The following SLC25A12 variants were observed in gnomAD, a reference collection of about 807,000 sequenced individuals.
SLC25A12 encodes electrogenic aspartate/glutamate antiporter SLC25A12, mitochondrial.
SLC25A12 carries 32 observed loss-of-function variants against 83.3 expected under a neutral mutation model. The observed-to-expected ratio is 0.38, with a 90% CI of 0.29 to 0.52. The LOEUF is 0.52. Ranked by LOEUF, SLC25A12 falls within the 20% of genes least tolerant of loss-of-function variation. The pLI is 0.84. For missense variants in SLC25A12, 611 were observed against 835.6 expected (o/e 0.73, Z 3.31); for synonymous variants, 267 against 291.1 (o/e 0.92, Z 0.84).
chr2:171,838,873 G>T (rs529445568), intron 5 of SLC25A12, among the ~76,000 whole-genome samples: 2 of 152,200 alleles, frequency 1.3e-5, no homozygotes, highest in East Asian at 3.9e-4. Context: ...ATTGAAGCTG[G>T]TTATAGGTCC....
At chr2:171,810,761 T>G (rs955500247) in intron 11 of SLC25A12, among the ~76,000 whole-genome samples, 2 of 152,210 alleles carry the variant, frequency 1.3e-5, no homozygotes, top group Non-Finnish European at 2.9e-5. Flanking sequence ...GAATACTAAC[T>G]CCCATAATCT....
intron 3 of SLC25A12, among the ~76,000 whole-genome samples, chr2:171,866,441 G>A (rs1360894917): frequency 1.4e-4 from 20 of 143,330 alleles, no homozygotes; most frequent in Admixed American, 2.1e-4. Flanking sequence ...TCCCGGACGG[G>A]GCGGCTGGCC....
chr2:171,822,789 C>G (rs1378930910), intron 9 of SLC25A12, among the ~76,000 whole-genome samples: 1 of 152,166 alleles, frequency 6.6e-6, no homozygotes, highest in African/African-American at 2.4e-5. Flanking sequence ...TAGTTCTGGA[C>G]TCACAGATTC....
At chr2:171,790,646 C>T (rs781286453) in intron 15 of SLC25A12, among the ~76,000 whole-genome samples, 1 of 152,182 alleles carries the variant, frequency 6.6e-6, no homozygotes, top group Admixed American at 6.5e-5. Flanking sequence ...AAACTCTTGC[C>T]CTCAAGAAGC....
intron 11 of SLC25A12, among the ~76,000 whole-genome samples, chr2:171,812,957 A>C (rs1683978852): frequency 6.6e-6 from 1 of 152,162 alleles, no homozygotes; most frequent in Non-Finnish European, 1.5e-5. Context: ...TTTTCACAGG[A>C]AAGAGATGTA....
intron 13 of SLC25A12, among the ~76,000 whole-genome samples, chr2:171,806,619 C>T (rs1225032336): frequency 6.6e-6 from 1 of 152,102 alleles, no homozygotes; most frequent in Non-Finnish European, 1.5e-5. Flanking sequence ...ATTTCCATGG[C>T]AATAAAATTT....
chr2:171,785,688 G>A (rs1456463010), intron 17 of SLC25A12, among the ~76,000 whole-genome samples: 1 of 152,110 alleles, frequency 6.6e-6, no homozygotes, highest in Non-Finnish European at 1.5e-5. Context: ...CAAGAGAAAT[G>A]GCCTTATTTC....
In SLC25A12 at chr2:171,785,322, A is replaced by C. The variant is rs1210494995; in HGVS notation, c.1989T>G (p.Pro663=). The change falls in exon 18 of 18, where the codon CCT becomes CCG. Residue 663 remains proline, a synonymous_variant. Coordinates refer to ENST00000422440, the MANE Select transcript of SLC25A12 (RefSeq NM_003705.5). The stretch of plus-strand genomic sequence containing the variant: ...CCTTTGGCTGAACCACAGCAACACT[A>C]GGAGACTTAAATTTCGGGAGATAAA... ...FGLYLPKFKS[P]SVAVVQPKAA... The C allele has an allele frequency of 6.2e-7, 1 of 1,614,198 alleles. No homozygotes were observed. The highest frequency in any genetic ancestry group is 8.5e-7 in the Non-Finnish European group (1 of 1,180,024).
chr2:171,846,922 T>G (rs547866832), intron 4 of SLC25A12, among the ~76,000 whole-genome samples: 2 of 152,348 alleles, frequency 1.3e-5, no homozygotes, highest in South Asian at 4.1e-4. Context: ...TTTCATAAAC[T>G]TCTTAGCCAT....
intron 5 of SLC25A12, among the ~76,000 whole-genome samples, chr2:171,843,737 A>T (rs1684731354): frequency 6.6e-6 from 1 of 151,350 alleles, no homozygotes. Flanking sequence ...ATTGGGGGAA[A>T]GGGGACAGAA....
intron 4 of SLC25A12, among the ~76,000 whole-genome samples, chr2:171,850,062 C>T (rs1302059020): frequency 6.6e-6 from 1 of 151,572 alleles, no homozygotes; most frequent in African/African-American, 2.4e-5. Flanking sequence ...CCTCGGCCTC[C>T]CAAAGTACTG....
intron 4 of SLC25A12, among the ~76,000 whole-genome samples, chr2:171,851,481 G>A (rs1490229235): frequency 2.2e-5 from 3 of 134,692 alleles, no homozygotes; most frequent in Admixed American, 7.8e-5. Flanking sequence ...GAGCCACTGC[G>A]CCTGGCCCCT....
intron 2 of SLC25A12, among the ~76,000 whole-genome samples, chr2:171,877,647 C>A (rs1458251804): frequency 7.1e-6 from 1 of 141,532 alleles, no homozygotes; most frequent in African/African-American, 2.6e-5. Context: ...CCAGCCTGGG[C>A]GACCAGAAGA....
chr2:171,831,688 C>G (rs1446624564), intron 8 of SLC25A12, among the ~76,000 whole-genome samples: 2 of 152,056 alleles, frequency 1.3e-5, no homozygotes, highest in Non-Finnish European at 2.9e-5. Context: ...GGTAGATCAT[C>G]TGAGGTCAAA....
chr2:171,785,557 C>T (rs1690472820), intron 17 of SLC25A12, 82 bp from the exon 18 acceptor site: 3 of 1,204,648 alleles, frequency 2.5e-6, no homozygotes, highest in Non-Finnish European at 3.7e-6. Flanking sequence ...CGGTCTGACC[C>T]ATGTGCCACA....
chr2:171,873,552 G>T (rs1319154649), intron 2 of SLC25A12, among the ~76,000 whole-genome samples: 1 of 152,114 alleles, frequency 6.6e-6, no homozygotes, highest in Non-Finnish European at 1.5e-5. Context: ...ATTGCTAATG[G>T]TTTTTTATTA....
At position 171,785,174 on chromosome 2, in the gene SLC25A12, G is replaced by T. The variant is rs928264155; in HGVS notation, c.*100C>A. 9.5e-7 allele frequency: 1 copy of T among 1,054,612 alleles called. No homozygotes were observed. The highest frequency in any genetic ancestry group is 1.5e-6 in the Non-Finnish European group (1 of 680,906). 65.3% of individuals were successfully genotyped at this position (1,054,612 alleles called of 1,614,324 possible). A position where few individuals can be genotyped will look rare whatever the true frequency, so the allele number is the denominator to read the frequency against. On this transcript the variant is annotated 3_prime_UTR_variant, in exon 18 of 18. Transcript: ENST00000422440. ...ACAGAAAGAAGAGTTTGACTCCTCA[G>T]CTCAGTCAGTACCATGCAGCTGACT...
rs139227356 is a variant in SLC25A12, at chr2:171,887,661, T to C, written c.66+5544A>G. On this transcript the variant is annotated intron_variant, in intron 2 of 17. Transcript: ENST00000422440. Reference sequence around the variant, plus strand: ...ACTGTACACTGCTGATGTAGCTAAATTGAATCAATGACAGTGTGTGGGTGA... The same window carrying C: ...ACTGTACACTGCTGATGTAGCTAAACTGAATCAATGACAGTGTGTGGGTGA... Among the ~76,000 whole-genome samples, 706 of 152,296 alleles carry C rather than the reference T, an allele frequency of 4.6e-3. 3 individuals carry two copies. The highest frequency in any genetic ancestry group is 0.016 in the African/African-American group (660 of 41,558).
chr2:171,837,868 T>G (rs576674992), intron 5 of SLC25A12, among the ~76,000 whole-genome samples: 1 of 152,340 alleles, frequency 6.6e-6, no homozygotes, highest in African/African-American at 2.4e-5. Context: ...AAAAGTAGTG[T>G]TCAGCTATCA....
Sources: allele counts gnomAD v4.1 joint callset (sites outside exome capture counted in the v4.1 genomes callset), GRCh38; gene constraint gnomAD v4.1.1; transcripts MANE v1.5; gene names NCBI Gene and HGNC (gene_info 2026-07-23, HGNC 2026-07-21).